Variants in HYDIN observed in about 807,000 individuals in gnomAD.
HYDIN encodes HYDIN axonemal central pair apparatus protein, also known as axonemal central pair apparatus protein HYDIN.
Under a neutral mutation model 403.9 loss-of-function variants are expected in HYDIN, and 132 were observed. The ratio of observed to expected loss-of-function variants is 0.33; its 90% CI spans 0.28 to 0.38. The LOEUF is 0.38. HYDIN is among the 10% of genes least tolerant of loss of function. The probability of loss-of-function intolerance (pLI) is 1.00; values close to 1 mark genes in which losing one functional copy is unlikely to be tolerated. For synonymous variants in HYDIN, 1,202 were observed against 1,891.7 expected (o/e 0.64, Z 9.46); for missense variants, 2,827 against 5,009.5 (o/e 0.56, Z 13.15).
chr16:71,175,074 A>T (rs2086614159), intron 5 of HYDIN, among the ~76,000 whole-genome samples: 1 of 150,988 alleles, frequency 6.6e-6, no homozygotes, highest in Non-Finnish European at 1.5e-5. Context: ...CTACACCACC[A>T]TCACCACCAC....
intron 41 of HYDIN, among the ~76,000 whole-genome samples, chr16:70,950,385 G>A (rs1384904662): frequency 1.3e-5 from 2 of 151,906 alleles, no homozygotes; most frequent in African/African-American, 4.8e-5. Flanking sequence ...TGAGAAGCTG[G>A]GATTACAGGT....
At chr16:71,106,569 A>G (rs1336528260) in intron 10 of HYDIN, among the ~76,000 whole-genome samples, 3 of 152,170 alleles carry the variant, frequency 2.0e-5, no homozygotes, top group Non-Finnish European at 4.4e-5. Flanking sequence ...AAAAGCTTTC[A>G]AAAGAAAAGA....
chr16:71,083,284 C>T (rs142245691), intron 12 of HYDIN, among the ~76,000 whole-genome samples: 47,121 of 151,852 alleles, frequency 0.31, 8,020 homozygotes, highest in East Asian at 0.57. Context: ...GTTGTAGCAT[C>T]TATCAGTGCT....
intron 23 of HYDIN, among the ~76,000 whole-genome samples, chr16:71,001,012 C>A (rs569800689): frequency 6.8e-6 from 1 of 147,420 alleles, no homozygotes; most frequent in Admixed American, 6.9e-5. Flanking sequence ...AAAATCATTG[C>A]TGACCTTCTG....
chr16:71,078,825 C>T (rs140127096), intron 13 of HYDIN, among the ~76,000 whole-genome samples: 1 of 152,122 alleles, frequency 6.6e-6, no homozygotes, highest in East Asian at 1.9e-4. Flanking sequence ...TTGATGTTGC[C>T]CAGATTTGCT....
chr16:70,882,436 C>T (rs1402186360), intron 60 of HYDIN, among the ~76,000 whole-genome samples: 1 of 152,282 alleles, frequency 6.6e-6, no homozygotes, highest in Non-Finnish European at 1.5e-5. Context: ...ATGCGGTTTG[C>T]TCGTCCATGC....
intron 23 of HYDIN, among the ~76,000 whole-genome samples, chr16:70,996,641 G>C (rs2079542297): frequency 6.6e-6 from 1 of 152,056 alleles, no homozygotes; most frequent in East Asian, 1.9e-4. Context: ...TGTGGGGTTG[G>C]TGAGGATTAC....
chr16:70,925,701 A>C (rs1482150239), intron 45 of HYDIN, among the ~76,000 whole-genome samples: 1 of 150,818 alleles, frequency 6.6e-6, no homozygotes, highest in Non-Finnish European at 1.5e-5. Flanking sequence ...AAATTTTCGC[A>C]ACCTACTCAT....
At chr16:70,955,009 C>G (rs1452097856) in intron 40 of HYDIN, among the ~76,000 whole-genome samples, 2 of 152,138 alleles carry the variant, frequency 1.3e-5, no homozygotes, top group Non-Finnish European at 2.9e-5. Flanking sequence ...TGTTGGAACC[C>G]ATTCATCCCA....
Position 71,175,632 on chromosome 16 carries a change from A to T in HYDIN, c.491T>A (p.Ile164Asn). 6.2e-7 allele frequency: 1 copy of T among 1,614,152 alleles called. No homozygotes were observed. The highest frequency in any genetic ancestry group is 1.1e-5 in the South Asian group (1 of 91,070). Residue 164 changes from isoleucine (I) to asparagine (N), a missense_variant, in exon 5 of 86, where the codon ATC becomes AAC. Physicochemically the swap from Ile to Asn is moderately radical, Grantham distance 149. Transcript: ENST00000393567. Reference protein sequence around the residue: ...VAPGVPSIFRILFTPEENKDY... With the variant: ...VAPGVPSIFRNLFTPEENKDY... ...CTTGTTCTCCTCTGGAGTAAAGAGG[A>T]TTCGGAATATGGAAGGCACTCCAGG...
chr16:71,054,146 G>A (rs2081776435), intron 18 of HYDIN, among the ~76,000 whole-genome samples: 2 of 152,270 alleles, frequency 1.3e-5, no homozygotes, highest in South Asian at 4.1e-4. Context: ...TGGGCTGTGA[G>A]CTAAAAACTA....
chr16:70,854,273 T>G (rs2038870573), intron 73 of HYDIN, among the ~76,000 whole-genome samples: 1 of 148,930 alleles, frequency 6.7e-6, no homozygotes, highest in Admixed American at 6.7e-5. Context: ...CTCACTCCAT[T>G]GTCCAAGCTG....
chr16:71,174,484 C>A (rs1031671812), intron 5 of HYDIN, among the ~76,000 whole-genome samples: 3 of 152,142 alleles, frequency 2.0e-5, no homozygotes, highest in African/African-American at 4.8e-5. Flanking sequence ...TGATACACAG[C>A]CTGCATTTTG....
chr16:71,209,176 C>T (rs1238144030), intron 1 of HYDIN, among the ~76,000 whole-genome samples: 1 of 150,246 alleles, frequency 6.7e-6, no homozygotes, highest in African/African-American at 2.5e-5. Context: ...TCCAGTAGCA[C>T]ATCAAAAAAC....
At chr16:70,809,553 A>C (rs933635364) in intron 85 of HYDIN, among the ~76,000 whole-genome samples, 1 of 152,168 alleles carries the variant, frequency 6.6e-6, no homozygotes, top group Non-Finnish European at 1.5e-5. Context: ...ACTCCATCAC[A>C]GCTTGTTAAG....
At chr16:70,908,461 A>G in intron 48 of HYDIN, 27 bp from the exon 49 acceptor site, 1 of 915,850 alleles carries the variant, frequency 1.1e-6, no homozygotes, top group Non-Finnish European at 1.6e-6. Context: ...AGGTTTATAA[A>G]GTGAGAGTGC....
chr16:71,012,011 A>G (rs1281094405), intron 23 of HYDIN, among the ~76,000 whole-genome samples: 1 of 152,248 alleles, frequency 6.6e-6, no homozygotes, highest in Admixed American at 6.5e-5. Context: ...CTTGGCCCAC[A>G]TGCTCTAAGT....
chr16:71,071,183 G>A (rs1462761795), intron 13 of HYDIN, among the ~76,000 whole-genome samples: 3 of 143,700 alleles, frequency 2.1e-5, no homozygotes, highest in Admixed American at 7.0e-5. Context: ...AGAGTCACGT[G>A]GTCTTCCAAA....
At chr16:70,837,487 T>C in intron 77 of HYDIN, among the ~76,000 whole-genome samples, 1 of 152,164 alleles carries the variant, frequency 6.6e-6, no homozygotes, top group Non-Finnish European at 1.5e-5. Flanking sequence ...ATAAGATCTA[T>C]GATTCAGTGA....
Sources: gnomAD v4.1 joint callset for allele counts (sites outside exome capture counted in the v4.1 genomes callset) on GRCh38, gnomAD v4.1.1 for gene constraint, MANE v1.5 for transcripts, NCBI Gene and HGNC (gene_info 2026-07-23, HGNC 2026-07-21) for gene names.